The following CAMTA1 variants were observed in gnomAD, a reference collection of about 807,000 sequenced individuals.
The protein encoded by CAMTA1 is calmodulin-binding transcription activator 1.
CAMTA1 carries 27 observed loss-of-function variants against 170.9 expected under a neutral mutation model. The ratio of observed to expected loss-of-function variants is 0.16; its 90% CI spans 0.12 to 0.22. The LOEUF is 0.22. Ranked by LOEUF, CAMTA1 falls within the 10% of genes least tolerant of loss-of-function variation. The probability of loss-of-function intolerance (pLI) is 1.00; values close to 1 mark genes in which losing one functional copy is unlikely to be tolerated. For missense variants in CAMTA1, 1,619 were observed against 2,217.2 expected (o/e 0.73, Z 5.42); for synonymous variants, 833 against 891.5 (o/e 0.93, Z 1.17).
intron 1 of CAMTA1, among the ~76,000 whole-genome samples, chr1:6,793,525 T>C (rs1641714712): frequency 6.6e-6 from 1 of 152,212 alleles, no homozygotes; most frequent in African/African-American, 2.4e-5. Flanking sequence ...TCATGACTCT[T>C]TCTCCATGTA....
chr1:6,798,139 G>A (rs114294505), intron 1 of CAMTA1, among the ~76,000 whole-genome samples: 2,275 of 152,008 alleles, frequency 0.015, 49 homozygotes, highest in African/African-American at 0.052. Context: ...AGGATTACAG[G>A]TGCTGAACAC....
rs1481394614 is a variant in CAMTA1 at position 7,143,154 on chromosome 1, G to C, written c.302+51783G>C. Among the ~76,000 whole-genome samples the C allele has an allele frequency of 2.6e-5, 4 of 152,118 alleles. No homozygotes were observed. The East Asian group carries it at 7.7e-4, about 29-fold the overall frequency. ...GAAAACCACGGGGTGCAGCTCCCAT[G>C]GTGGAAGGTGGGGTCGTCAGCAGCA... is the stretch of plus-strand genomic sequence containing the variant. On this transcript the variant is annotated intron_variant, in intron 4 of 22. Coordinates refer to ENST00000303635, the MANE Select transcript of CAMTA1 (RefSeq NM_015215.4).
intron 5 of CAMTA1, among the ~76,000 whole-genome samples, chr1:7,430,830 C>G (rs530885618): frequency 1.1e-4 from 17 of 152,304 alleles, no homozygotes; most frequent in Non-Finnish European, 2.1e-4. Context: ...CCAAGGCTCG[C>G]CATCTGTTTC....
intron 2 of CAMTA1, among the ~76,000 whole-genome samples, chr1:6,823,990 C>G (rs1646823440): frequency 6.6e-6 from 1 of 152,070 alleles, no homozygotes; most frequent in Non-Finnish European, 1.5e-5. Context: ...GTAACTTACC[C>G]AAGGTCACAC....
chr1:6,785,640 A>C, intron 1 of CAMTA1, 65 bp downstream of exon 1: 1 of 899,704 alleles, frequency 1.1e-6, no homozygotes, highest in Non-Finnish European at 1.3e-6. Context: ...GCCCCGCCGG[A>C]CATCCCGGGC....
intron 3 of CAMTA1, among the ~76,000 whole-genome samples, chr1:6,952,438 AG>A (rs200238193): frequency 0.76 from 65,064 of 85,858 alleles, 25,571 homozygotes; most frequent in South Asian, 0.89. Context: ...CTCAAAAAAA[AG>A]AAAAAAAAAA....
At chr1:7,705,408 C>T (rs2096505723) in intron 11 of CAMTA1, among the ~76,000 whole-genome samples, 1 of 146,374 alleles carries the variant, frequency 6.8e-6, no homozygotes, top group Admixed American at 6.7e-5. Context: ...CGGGTGTGAG[C>T]CACGCGTGTC....
intron 3 of CAMTA1, among the ~76,000 whole-genome samples, chr1:7,054,726 C>T (rs952856127): frequency 6.6e-5 from 10 of 152,232 alleles, no homozygotes; most frequent in East Asian, 1.9e-4. Context: ...CTCTGTGACC[C>T]GGGAGAGCAG....
At chr1:6,937,515 TCATCAC>T (rs1420861008) in intron 3 of CAMTA1, among the ~76,000 whole-genome samples, 3 of 100,352 alleles carry the variant, frequency 3.0e-5, no homozygotes, top group South Asian at 4.3e-4. Flanking sequence ...ACTACCACTA[TCATCAC>T]CATCACCATC....
At chr1:7,160,470 C>T (rs908639544) in intron 4 of CAMTA1, among the ~76,000 whole-genome samples, 8 of 151,912 alleles carry the variant, frequency 5.3e-5, no homozygotes, top group African/African-American at 1.7e-4. Flanking sequence ...CTCTGAGCCC[C>T]GTTTTTTTTT....
At chr1:7,025,840 G>C (rs1572522701) in intron 3 of CAMTA1, among the ~76,000 whole-genome samples, 1 of 152,152 alleles carries the variant, frequency 6.6e-6, no homozygotes. Flanking sequence ...CAAGAGTCTG[G>C]GTAAAATTGC....
At chr1:7,499,503 C>A (rs1461051436) in intron 6 of CAMTA1, among the ~76,000 whole-genome samples, 1 of 116,226 alleles carries the variant, frequency 8.6e-6, no homozygotes, top group Middle Eastern at 8.6e-3. Context: ...ATTGTGTGAG[C>A]CTGGTGTGCA....
chr1:7,020,629 C>G (rs1434836021), intron 3 of CAMTA1, among the ~76,000 whole-genome samples: 1 of 152,214 alleles, frequency 6.6e-6, no homozygotes, highest in Non-Finnish European at 1.5e-5. Context: ...GCTCATGCCC[C>G]TCTGAGGGCT....
chr1:7,418,265 G>A (rs935805830), intron 5 of CAMTA1, among the ~76,000 whole-genome samples: 6 of 152,038 alleles, frequency 3.9e-5, no homozygotes, highest in Non-Finnish European at 7.4e-5. Context: ...GTGCAATCTC[G>A]GCTCACTGCA....
At chr1:7,543,017 A>T (rs2094636612) in intron 6 of CAMTA1, among the ~76,000 whole-genome samples, 1 of 151,974 alleles carries the variant, frequency 6.6e-6, no homozygotes, top group African/African-American at 2.4e-5. Context: ...GGCGCCCTCC[A>T]CTACACCCGG....
chr1:7,276,892 T>G (rs1345902608), intron 5 of CAMTA1, among the ~76,000 whole-genome samples: 1 of 152,196 alleles, frequency 6.6e-6, no homozygotes, highest in Non-Finnish European at 1.5e-5. Flanking sequence ...AGGCCAATAT[T>G]TTTTTGAAGT....
At chr1:7,123,387 A>T (rs1006398943) in intron 4 of CAMTA1, among the ~76,000 whole-genome samples, 1 of 151,772 alleles carries the variant, frequency 6.6e-6, no homozygotes, top group African/African-American at 2.4e-5. Context: ...CACCCTAATG[A>T]TCTCGTCTTG....
intron 5 of CAMTA1, among the ~76,000 whole-genome samples, chr1:7,410,254 G>A (rs932491539): frequency 6.6e-6 from 1 of 152,258 alleles, no homozygotes; most frequent in East Asian, 1.9e-4. Flanking sequence ...ACAGAATGGG[G>A]AAGAAAGAAC....
rs969077771 is a variant in CAMTA1, at chr1:7,013,209, C to CTTTTTTT, written c.235-78078_235-78072dup. On this transcript the variant is annotated intron_variant, in intron 3 of 22. Transcript: ENST00000303635. Reference sequence around the variant, plus strand: ...TCCAGGCCCTGCCTTTGCCCTTCTTCTTTTTTTTTTTTTTTTTTTTTTTGA... The same window carrying CTTTTTTT: ...TCCAGGCCCTGCCTTTGCCCTTCTTCTTTTTTTTTTTTTTTTTTTTTTTTTTTTTTGA... Among the ~76,000 whole-genome samples the CTTTTTTT allele has an allele frequency of 2.3e-3, 192 of 84,182 alleles. 17 individuals are homozygous for CTTTTTTT. Among genetic ancestry groups the CTTTTTTT allele is most frequent in the Middle Eastern group, 9.1e-3 (1 of 110 alleles). 55.2% of individuals were successfully genotyped at this position (84,182 alleles called of 152,430 possible). A position where few individuals can be genotyped will look rare whatever the true frequency, so the allele number is the denominator to read the frequency against.
Sources: gnomAD v4.1 joint callset for allele counts (sites outside exome capture counted in the v4.1 genomes callset) on GRCh38, gnomAD v4.1.1 for gene constraint, MANE v1.5 for transcripts, NCBI Gene and HGNC (gene_info 2026-07-23, HGNC 2026-07-21) for gene names.